Variants in AOPEP observed in about 807,000 individuals in gnomAD.
The protein encoded by AOPEP is aminopeptidase O (putative), also known as aminopeptidase O.
A neutral mutation model predicts 98.1 loss-of-function variants in AOPEP; 77 were observed. That is an observed-to-expected ratio of 0.78 (90% CI 0.65 to 0.95). The LOEUF (loss-of-function observed/expected upper bound fraction) is 0.95, where lower values mean the gene tolerates loss of function less well. Ranked by LOEUF, AOPEP falls within the 40% of genes least tolerant of loss-of-function variation. The probability of loss-of-function intolerance (pLI) is 0.00; values close to 1 mark genes in which losing one functional copy is unlikely to be tolerated. For missense variants in AOPEP, 1,024 were observed against 1,024.7 expected, an observed-to-expected ratio of 1.00 and a Z score of 0.01; for synonymous variants, 346 against 365.3, an observed-to-expected ratio of 0.95 and a Z score of 0.60.
rs1841237568 is a variant in AOPEP, at chr9:94,773,008, T to A, written c.804T>A (p.Cys268Ter). 6.2e-7 allele frequency: 1 copy of A among 1,607,446 alleles called. No individual in the cohort carries two copies. Among genetic ancestry groups the A allele is most frequent in the Admixed American group, 1.7e-5 (1 of 58,510 alleles). The change falls in exon 3 of 17, where the codon TGT (cysteine) becomes TGA (stop). Residue 268 changes from cysteine to a stop codon, truncating the protein, a stop_gained. Coordinates refer to ENST00000375315, the MANE Select transcript of AOPEP (RefSeq NM_001193329.3). LOFTEE classifies it high-confidence loss of function. ...CTTTGTCTCTCTTCTGCAGGCCATG[T>A]GTTTATACTGTGGGATCTCCCATAA... ...TWTSDQSGRPCVYTVGSPINN... is the reference protein window; with the variant it reads ...TWTSDQSGRP
chr9:94,924,582 GTA>G (rs2054034630), intron 6 of AOPEP, among the ~76,000 whole-genome samples: 2 of 152,224 alleles, frequency 1.3e-5, no homozygotes, highest in Admixed American at 6.5e-5. Context: ...TGTGTGCAGT[GTA>G]TGTGTGTGTG....
chr9:94,969,264 G>T (rs761843471), intron 10 of AOPEP, among the ~76,000 whole-genome samples: 7 of 152,004 alleles, frequency 4.6e-5, no homozygotes, highest in Non-Finnish European at 7.4e-5. Flanking sequence ...CATTTTTGGA[G>T]GTATCCAGTT....
At chr9:94,871,777 C>A (rs2406897) in intron 5 of AOPEP, among the ~76,000 whole-genome samples, 4 of 152,030 alleles carry the variant, frequency 2.6e-5, no homozygotes, top group African/African-American at 9.7e-5. Flanking sequence ...GAGGCTGAGG[C>A]CAGTGGATCA....
intron 13 of AOPEP, among the ~76,000 whole-genome samples, chr9:95,023,006 T>C (rs1189186709): frequency 1.3e-5 from 2 of 152,194 alleles, no homozygotes; most frequent in African/African-American, 4.8e-5. Context: ...GACAAACTGA[T>C]TGAAATCCCA....
At chr9:95,036,702 C>CTTCTTT (rs142297044) in intron 13 of AOPEP, among the ~76,000 whole-genome samples, 4 of 135,828 alleles carry the variant, frequency 2.9e-5, no homozygotes, top group Non-Finnish European at 4.7e-5. Context: ...TCTTCTTCTT[C>CTTCTTT]TTTTTTTTTT....
chr9:94,925,030 C>T (rs180939184), intron 6 of AOPEP, among the ~76,000 whole-genome samples: 16 of 152,322 alleles, frequency 1.1e-4, no homozygotes, highest in Non-Finnish European at 1.6e-4. Flanking sequence ...CTAGCTCTGT[C>T]GCCCAGGCTG....
chr9:94,776,701 G>A lies in AOPEP; in HGVS notation c.964+3533G>A, dbSNP rs116014921. ...ATTCATATCAAATAAGGAATTGGAT[G>A]GGTATTTACTCCATTATCCTTCCGC... On this transcript the variant is annotated intron_variant, in intron 3 of 16. Coordinates refer to ENST00000375315, the MANE Select transcript of AOPEP (RefSeq NM_001193329.3). Among the ~76,000 whole-genome samples, 441 of 152,246 alleles carry A rather than the reference G, an allele frequency of 2.9e-3. 1 individual carries two copies. The highest frequency in any genetic ancestry group is 0.01 in the Middle Eastern group (3 of 294).
At chr9:95,062,721 T>C (rs1055090985) in intron 14 of AOPEP, among the ~76,000 whole-genome samples, 9 of 152,200 alleles carry the variant, frequency 5.9e-5, no homozygotes, top group Admixed American at 2.6e-4. Context: ...AGTGTAGCAC[T>C]GAGTCTGCTG....
At chr9:94,888,814 T>C (rs976093279) in intron 5 of AOPEP, among the ~76,000 whole-genome samples, 1 of 152,176 alleles carries the variant, frequency 6.6e-6, no homozygotes, top group Non-Finnish European at 1.5e-5. Context: ...TATTACATCT[T>C]GGTACACTGA....
At chr9:95,111,287 C>G in the AOPEP span, 1 of 1,566,964 alleles carries the variant, frequency 6.4e-7, no homozygotes, top group Non-Finnish European at 8.6e-7. Context: ...GACAGGAGAA[C>G]GCCTCTGACC....
intron 5 of AOPEP, among the ~76,000 whole-genome samples, chr9:94,836,297 C>T (rs2041594883): frequency 6.6e-6 from 1 of 152,144 alleles, no homozygotes; most frequent in South Asian, 2.1e-4. Flanking sequence ...AAGAAATTTC[C>T]TAGCAAATTG....
intron 4 of AOPEP, among the ~76,000 whole-genome samples, chr9:94,797,730 G>T: frequency 7.1e-6 from 1 of 140,402 alleles, no homozygotes. Context: ...TTGAGACAGA[G>T]TCATGCTTTG....
chr9:94,917,045 A>T (rs1295885602), intron 5 of AOPEP, among the ~76,000 whole-genome samples: 1 of 151,826 alleles, frequency 6.6e-6, no homozygotes, highest in African/African-American at 2.4e-5. Flanking sequence ...TGATGACCAT[A>T]ACCGGCAGAA....
intron 13 of AOPEP, among the ~76,000 whole-genome samples, chr9:95,012,915 A>G (rs1182373047): frequency 8.6e-5 from 6 of 70,132 alleles, no homozygotes; most frequent in African/African-American, 3.5e-4. Flanking sequence ...GTTTTTATTT[A>G]TTTTGTTTTT....
chr9:94,818,962 C>T (rs1588379415), intron 5 of AOPEP, among the ~76,000 whole-genome samples: 1 of 152,338 alleles, frequency 6.6e-6, no homozygotes, highest in East Asian at 1.9e-4. Flanking sequence ...CCACTGCACT[C>T]CAGCCTGGGC....
intron 1 of AOPEP, among the ~76,000 whole-genome samples, chr9:94,757,345 A>G (rs186753997): frequency 3.0e-4 from 46 of 152,362 alleles, no homozygotes; most frequent in African/African-American, 1.1e-3. Flanking sequence ...AATCCACTAA[A>G]GAGAACCAAT....
chr9:95,097,093 C>T, the AOPEP span, among the ~76,000 whole-genome samples: 4 of 152,236 alleles, frequency 2.6e-5, no homozygotes, highest in Non-Finnish European at 4.4e-5. Context: ...AACAGGGAGG[C>T]ATCTGGTCCA....
intron 5 of AOPEP, among the ~76,000 whole-genome samples, chr9:94,864,069 G>A (rs1475688879): frequency 6.6e-6 from 1 of 152,118 alleles, no homozygotes; most frequent in Non-Finnish European, 1.5e-5. Flanking sequence ...GATGAAATAA[G>A]GTATGCTGAA....
In AOPEP at chr9:94,732,826, C is replaced by T. The variant is rs183894533; in HGVS notation, c.-136+6075C>T. On this transcript the variant is annotated intron_variant, in intron 1 of 16. Coordinates refer to ENST00000375315, the MANE Select transcript of AOPEP (RefSeq NM_001193329.3). Reference sequence around the variant, plus strand: ...AATAACTTAACACTTTAAAAAGCAGCAGCATTACATTCTGGCAGTTGCTCT... The same window carrying T: ...AATAACTTAACACTTTAAAAAGCAGTAGCATTACATTCTGGCAGTTGCTCT... Among the ~76,000 whole-genome samples, 81 of 152,286 alleles carry T rather than the reference C, an allele frequency of 5.3e-4. 1 individual carries two copies. The highest frequency in any genetic ancestry group is 5.0e-3 in the Admixed American group (77 of 15,300).
Sources: allele counts gnomAD v4.1 joint callset (sites outside exome capture counted in the v4.1 genomes callset), GRCh38; gene constraint gnomAD v4.1.1; transcripts MANE v1.5; gene names NCBI Gene and HGNC (gene_info 2026-07-23, HGNC 2026-07-21).